Variants in VEGFD observed in about 807,000 individuals in gnomAD.
VEGFD encodes the protein vascular endothelial growth factor D.
VEGFD carries 26 observed loss-of-function variants against 28.0 expected under a neutral mutation model. The ratio of observed to expected loss-of-function variants is 0.93; its 90% CI spans 0.68 to 1.29. The LOEUF (loss-of-function observed/expected upper bound fraction) is 1.29, where lower values mean the gene tolerates loss of function less well. Among genes scored for constraint, VEGFD ranks in the 50% most tolerant of loss-of-function variants. VEGFD has a pLI of 0.00. For missense variants in VEGFD, 294 were observed against 273.4 expected (o/e 1.08, Z -0.53); for synonymous variants, 93 against 95.5 (o/e 0.97, Z 0.15).
chrX:15,358,145 C>A lies in VEGFD; in HGVS notation c.350G>T (p.Cys117Phe). 1 of 1,211,520 alleles carries A rather than the reference C, an allele frequency of 8.3e-7. No homozygotes were observed. The highest frequency in any genetic ancestry group is 2.3e-4 in the Middle Eastern group (1 of 4,345). ...QRTQCSPRET[C>F]VEVASELGKS... ...CCCCAGCTCACTGGCCACCTCCACGCACGTTTCTCTAGGGCTGCACTGAGT... is the reference window on the plus strand; with the variant it reads ...CCCCAGCTCACTGGCCACCTCCACGAACGTTTCTCTAGGGCTGCACTGAGT... Residue 117 changes from cysteine to phenylalanine, a missense_variant, in exon 3 of 7, where the codon TGC (cysteine) becomes TTC (phenylalanine). Cys to Phe is a radical substitution (Grantham distance 205). Coordinates refer to ENST00000297904, the MANE Select transcript of VEGFD (RefSeq NM_004469.5).
At chrX:15,368,509 G>C (rs6632473) in intron 1 of VEGFD, among the ~76,000 whole-genome samples, 10,220 of 112,144 alleles carry the variant, frequency 0.091, 634 homozygotes, top group African/African-American at 0.22. Flanking sequence ...AACCTGACAA[G>C]TAATTCATCA....
intron 5 of VEGFD, 96 bp downstream of exon 5, chrX:15,352,972 C>T: frequency 2.7e-6 from 1 of 366,336 alleles, no homozygotes; most frequent in African/African-American, 2.6e-5. Context: ...ACAAGATTTA[C>T]AACATTGTCT....
intron 1 of VEGFD, 98 bp downstream of exon 1, chrX:15,383,759 G>C: frequency 1.6e-6 from 1 of 621,718 alleles, no homozygotes. Flanking sequence ...GGATGGTTCT[G>C]CATTTTTATA....
chrX:15,374,508 G>C (rs758289223), intron 1 of VEGFD, among the ~76,000 whole-genome samples: 1 of 111,825 alleles, frequency 8.9e-6, no homozygotes, highest in African/African-American at 3.2e-5. Context: ...AAATGACAGC[G>C]AACCAAAAAT....
At position 15,346,188 on chromosome X, in the gene VEGFD, C is replaced by T. The variant is rs371017615; in HGVS notation, c.1010G>A (p.Arg337His). ...SGKTACAKHC[R>H]FPKEKRAAQG... Reference sequence around the variant, plus strand: ...GGCAGCCCTTTTCTCCTTTGGAAAGCGGCAATGCTTTGCACATGCTGTTTT... The same window carrying T: ...GGCAGCCCTTTTCTCCTTTGGAAAGTGGCAATGCTTTGCACATGCTGTTTT... The change falls in exon 7 of 7, where the codon CGC becomes CAC. Residue 337 changes from arginine to histidine, a missense_variant. Transcript: ENST00000297904. 8.2e-5 allele frequency: 99 copies of T among 1,209,483 alleles called. No individual in the cohort carries two copies. The highest frequency in any genetic ancestry group is 1.0e-4 in the Non-Finnish European group (92 of 894,514).
At chrX:15,348,385 A>T (rs985163604) in intron 5 of VEGFD, among the ~76,000 whole-genome samples, 1 of 112,429 alleles carries the variant, frequency 8.9e-6, no homozygotes, top group African/African-American at 3.2e-5. Context: ...TCTTCTTCAC[A>T]TGATTAACAA....
intron 1 of VEGFD, among the ~76,000 whole-genome samples, chrX:15,372,478 CTTCTTCTTG>C (rs773202749): frequency 0.01 from 1,123 of 111,277 alleles, 12 homozygotes; most frequent in African/African-American, 0.034. Flanking sequence ...AAAATCTTGG[CTTCTTCTTG>C]AATCTACCTG....
chrX:15,379,413 T>C (rs1272549227), intron 1 of VEGFD, among the ~76,000 whole-genome samples: 1 of 111,965 alleles, frequency 8.9e-6, no homozygotes, highest in African/African-American at 3.2e-5. Context: ...CTTTATGAAC[T>C]AGGACATCAC....
chrX:15,346,400 T>C, intron 6 of VEGFD, 141 bp from the exon 7 acceptor site: 1 of 615,591 alleles, frequency 1.6e-6, no homozygotes, highest in African/African-American at 2.2e-5. Context: ...CCCACATGGA[T>C]TCAAAATCTA....
intron 2 of VEGFD, among the ~76,000 whole-genome samples, chrX:15,361,396 C>T (rs754727589): frequency 3.6e-5 from 4 of 111,344 alleles, no homozygotes; most frequent in Non-Finnish European, 7.5e-5. Context: ...GAAGTGAGCT[C>T]GAGGCTATGG....
chrX:15,347,032 A>G, intron 6 of VEGFD, 132 bp downstream of exon 6: 1 of 541,174 alleles, frequency 1.8e-6, no homozygotes, highest in East Asian at 3.3e-5. Flanking sequence ...TAGCTGCTAA[A>G]CCTCTGTTCT....
chrX:15,360,505 AT>A (rs1197476991), intron 2 of VEGFD, among the ~76,000 whole-genome samples: 3 of 109,437 alleles, frequency 2.7e-5, no homozygotes, highest in Non-Finnish European at 5.7e-5. Context: ...TGCCCAGCTA[AT>A]TTTTGTATTT....
chrX:15,355,331 T>C, intron 3 of VEGFD, 33 bp from the exon 4 acceptor site: 2 of 1,092,788 alleles, frequency 1.8e-6, no homozygotes, highest in East Asian at 6.9e-5. Flanking sequence ...CAATATATTT[T>C]TTTAATTTTA....
chrX:15,383,918 A>T lies in VEGFD; in HGVS notation c.29T>A (p.Val10Asp). The change falls in exon 1 of 7, where the codon GTT (valine) becomes GAT (aspartate). Residue 10 changes from valine (V) to aspartate (D), a missense_variant. Coordinates refer to ENST00000297904, the MANE Select transcript of VEGFD (RefSeq NM_004469.5). Reference protein sequence around the residue: MYREWVVVNVFMMLYVQLVQ... With the variant: MYREWVVVNDFMMLYVQLVQ... The stretch of plus-strand genomic sequence containing the variant: ...CAGCTGGACGTACAACATCATGAAA[A>T]CATTCACCACTACCCACTCTCTGTA... 8.3e-7 allele frequency: 1 copy of T among 1,204,660 alleles called. No homozygotes were observed. The highest frequency in any genetic ancestry group is 1.1e-6 in the Non-Finnish European group (1 of 888,989).
intron 2 of VEGFD, 26 bp downstream of exon 2, chrX:15,363,083 A>G: frequency 8.4e-7 from 1 of 1,187,399 alleles, no homozygotes; most frequent in Non-Finnish European, 1.1e-6. Flanking sequence ...AAGAGAAAGA[A>G]TTTGTCTCCA....
At chrX:15,370,813 A>T (rs1329231296) in intron 1 of VEGFD, among the ~76,000 whole-genome samples, 1 of 108,046 alleles carries the variant, frequency 9.3e-6, no homozygotes, top group African/African-American at 3.4e-5. Context: ...TTTTTGGCTG[A>T]GTACAGGGAA....
intron 5 of VEGFD, among the ~76,000 whole-genome samples, chrX:15,351,499 G>A (rs911949293): frequency 2.7e-5 from 3 of 111,737 alleles, no homozygotes; most frequent in South Asian, 3.7e-4. Context: ...ACAGGCATGA[G>A]CCACCATTCC....
intron 1 of VEGFD, among the ~76,000 whole-genome samples, chrX:15,368,184 GAGAA>G (rs1156255751): frequency 5.4e-5 from 6 of 110,565 alleles, no homozygotes; most frequent in South Asian, 3.8e-4. Context: ...AGGAGAGAAA[GAGAA>G]AGAAAGAAAA....
intron 5 of VEGFD, among the ~76,000 whole-genome samples, chrX:15,352,342 A>C: frequency 9.4e-6 from 1 of 106,444 alleles, no homozygotes. Context: ...TGGTGGAACC[A>C]TGTAAAGCTC....
Sources: allele counts gnomAD v4.1 joint callset (sites outside exome capture counted in the v4.1 genomes callset), GRCh38; gene constraint gnomAD v4.1.1; transcripts MANE v1.5; gene names NCBI Gene and HGNC (gene_info 2026-07-23, HGNC 2026-07-21).